The following SERPINB12 variants were observed in gnomAD, a reference collection of about 807,000 sequenced individuals.
SERPINB12 encodes the protein serpin family B member 12.
SERPINB12 carries 57 observed loss-of-function variants against 41.1 expected under a neutral mutation model. That is an observed-to-expected ratio of 1.39 (90% CI 1.12 to 1.73). The LOEUF (loss-of-function observed/expected upper bound fraction) is 1.73, where lower values mean the gene tolerates loss of function less well. Among genes scored for constraint, SERPINB12 ranks in the 40% most tolerant of loss-of-function variants. The probability of loss-of-function intolerance (pLI) is 0.00; values close to 1 mark genes in which losing one functional copy is unlikely to be tolerated. For synonymous variants in SERPINB12, 180 were observed against 181.3 expected, an observed-to-expected ratio of 0.99 and a Z score of 0.06; for missense variants, 536 against 501.9, an observed-to-expected ratio of 1.07 and a Z score of -0.65.
Position 63,565,517 on chromosome 18 carries a change from G to T in SERPINB12, c.778G>T (p.Ala260Ser), listed in dbSNP as rs944893687. The change falls in exon 7 of 8, where the codon GCA becomes TCA. Residue 260 changes from alanine (A) to serine (S), a missense_variant. Physicochemically the swap from Ala to Ser is moderately conservative, Grantham distance 99 (BLOSUM62 1). Transcript: ENST00000382768. ...AATTGGCTTCATAGAGGAGGTGAAG[G>T]CACAGATCCTGGAAATGAGGTACAC... ...YRIGFIEEVK[A>S]QILEMRYTKG... is the part of the protein sequence containing the mutation. 2 of 1,613,886 alleles carry T rather than the reference G, an allele frequency of 1.2e-6. No individual in the cohort carries two copies. Among genetic ancestry groups the T allele is most frequent in the South Asian group, 1.1e-5 (1 of 91,052 alleles).
the SERPINB12 span, among the ~76,000 whole-genome samples, chr18:63,532,762 A>G: frequency 0.011 from 1,683 of 152,210 alleles, 26 homozygotes; most frequent in African/African-American, 0.038. Context: ...GGTGGTACTA[A>G]TTCTGGCTTC....
rs1176816957 is a variant in SERPINB12 at position 63,567,716 on chromosome 18, G to T, written c.*705G>T. Among the ~76,000 whole-genome samples the T allele has an allele frequency of 6.6e-6, 1 of 152,194 alleles. No individual in the cohort carries two copies. Among genetic ancestry groups the T allele is most frequent in the Admixed American group, 6.5e-5 (1 of 15,276 alleles). On this transcript the variant is annotated 3_prime_UTR_variant, in exon 8 of 8. Transcript: ENST00000382768. ...AAAGTGGCTAGTGGATTTAGAGGAG[G>T]TTTATCTCAGTTTTCCTTATTGAGT... is the stretch of plus-strand genomic sequence containing the variant.
upstream of SERPINB12, among the ~76,000 whole-genome samples, chr18:63,540,222 A>T (rs1320184548): frequency 6.6e-6 from 1 of 152,184 alleles, no homozygotes; most frequent in Non-Finnish European, 1.5e-5. Context: ...TCTCCTGAAG[A>T]GAGTGGAGGT....
intron 1 of SERPINB12, among the ~76,000 whole-genome samples, chr18:63,551,288 C>CAA (rs750984928): frequency 6.6e-6 from 1 of 150,518 alleles, no homozygotes; most frequent in African/African-American, 2.4e-5. Flanking sequence ...AACAAAGAAA[C>CAA]AAAAAAAACA....
chr18:63,568,241 C>T lies in SERPINB12; in HGVS notation c.*1230C>T, dbSNP rs111997051. On this transcript the variant is annotated 3_prime_UTR_variant, in exon 8 of 8. Coordinates refer to ENST00000382768, the MANE Select transcript of SERPINB12 (RefSeq NM_001307928.2). ...ACAAAAAATACAGAAATTAGCCGGG[C>T]GTGGTGGTGTGCACCTATAGTCCCA... is the stretch of plus-strand genomic sequence containing the variant. 0.057 allele frequency among the ~76,000 whole-genome samples: 8,683 copies of T among 152,062 alleles called. 818 individuals carry two copies. The highest frequency in any genetic ancestry group is 0.2 in the African/African-American group (8,213 of 41,438).
rs987745143 is a variant in SERPINB12, at chr18:63,545,198, T to C, written c.-19+2706T>C. Among the ~76,000 whole-genome samples, 3 of 152,118 alleles carry C rather than the reference T, an allele frequency of 2.0e-5. No individual in the cohort carries two copies. The East Asian group carries it at 5.8e-4, about 29-fold the overall frequency. On this transcript the variant is annotated intron_variant, in intron 1 of 7. Transcript: ENST00000382768. ...TGAAGTAAACATTATTTTTACGGCC[T>C]GTTGACATAGAACTATTTTTTTTTT...
At chr18:63,559,003 C>CTTTCTTTCTCTCT (rs1491386715) in intron 3 of SERPINB12, among the ~76,000 whole-genome samples, 3 of 78,536 alleles carry the variant, frequency 3.8e-5, no homozygotes, top group African/African-American at 1.5e-4. Context: ...TCTTTCCTTC[C>CTTTCTTTCTCTCT]TTCTTTCTTT....
the SERPINB12 span, among the ~76,000 whole-genome samples, chr18:63,531,646 G>A: frequency 6.6e-6 from 1 of 152,092 alleles, no homozygotes; most frequent in Non-Finnish European, 1.5e-5. Flanking sequence ...TTAGTGCCTG[G>A]CAATAGTAAA....
the SERPINB12 span, among the ~76,000 whole-genome samples, chr18:63,527,660 AGT>A: frequency 2.0e-4 from 31 of 152,222 alleles, 1 homozygote; most frequent in South Asian, 6.4e-3. Context: ...CTTCCTCAAG[AGT>A]GTAGGCAAGT....
intron 2 of SERPINB12, 98 bp downstream of exon 2, chr18:63,556,425 C>A: frequency 8.9e-7 from 1 of 1,128,968 alleles, no homozygotes; most frequent in Non-Finnish European, 1.3e-6. Flanking sequence ...GGGCTTATTG[C>A]ACCCTGGGCT....
the SERPINB12 span, among the ~76,000 whole-genome samples, chr18:63,523,341 T>C: frequency 6.6e-6 from 1 of 152,176 alleles, no homozygotes; most frequent in African/African-American, 2.4e-5. Context: ...GAAGACAACA[T>C]GAAGCACAAG....
Position 63,550,776 on chromosome 18 carries a change from A to G in SERPINB12, c.-18-5366A>G, listed in dbSNP as rs79545541. ...GAAATTAACCTTAATGGGGGTATTT[A>G]CACCATAGAAATCAGCAAACATTGT... On this transcript the variant is annotated intron_variant, in intron 1 of 7. Coordinates refer to ENST00000382768, the MANE Select transcript of SERPINB12 (RefSeq NM_001307928.2). Among the ~76,000 whole-genome samples the G allele has an allele frequency of 3.1e-4, 47 of 152,270 alleles. No individual in the cohort carries two copies. The East Asian group carries it at 7.6e-3, about 24-fold the overall frequency.
Position 63,559,724 on chromosome 18 carries a change from T to A in SERPINB12, c.444+6T>A. Reference sequence around the variant, plus strand: ...AGGAATTCCCAATCTGTCAGGTGAGTTGCACACGAATGGTGACTAAAGCTA... The same window carrying A: ...AGGAATTCCCAATCTGTCAGGTGAGATGCACACGAATGGTGACTAAAGCTA... On this transcript the variant is annotated splice_donor_region_variant and intron_variant, in intron 4 of 7. Coordinates refer to ENST00000382768, the MANE Select transcript of SERPINB12 (RefSeq NM_001307928.2). 1 of 1,613,836 alleles carries A rather than the reference T, an allele frequency of 6.2e-7. No homozygotes were observed. The highest frequency in any genetic ancestry group is 8.5e-7 in the Non-Finnish European group (1 of 1,179,868).
chr18:63,536,378 AATT>A, the SERPINB12 span, among the ~76,000 whole-genome samples: 1 of 152,098 alleles, frequency 6.6e-6, no homozygotes, highest in Non-Finnish European at 1.5e-5. Flanking sequence ...CAATTTTAAA[AATT>A]ATTAATGGAT....
chr18:63,566,773 G>A lies in SERPINB12; in HGVS notation c.1040G>A (p.Arg347Lys). The A allele has an allele frequency of 6.2e-7, 1 of 1,614,090 alleles. No homozygotes were observed. The highest frequency in any genetic ancestry group is 1.1e-5 in the South Asian group (1 of 91,064). Reference protein sequence around the residue: ...MGITDIFDETRADLTGISPSP... With the variant: ...MGITDIFDETKADLTGISPSP... ...ATTACGGATATCTTTGATGAAACGA[G>A]GGCTGATCTTACTGGAATCTCTCCA... Residue 347 changes from arginine (R) to lysine (K), a missense_variant, in exon 8 of 8, where the codon AGG (arginine) becomes AAG (lysine). Transcript: ENST00000382768.
chr18:63,521,104 T>C, the SERPINB12 span, among the ~76,000 whole-genome samples: 85 of 149,122 alleles, frequency 5.7e-4, no homozygotes, highest in Non-Finnish European at 6.1e-5. Context: ...GTATAAGGAA[T>C]TTTTTTGTGT....
chr18:63,541,566 T>C (rs1910273393), upstream of SERPINB12, among the ~76,000 whole-genome samples: 1 of 152,142 alleles, frequency 6.6e-6, no homozygotes, highest in African/African-American at 2.4e-5. Flanking sequence ...CTTAACCAAA[T>C]ATGAACCACG....
intron 2 of SERPINB12, among the ~76,000 whole-genome samples, chr18:63,557,951 C>A (rs948225783): frequency 4.6e-5 from 7 of 152,200 alleles, no homozygotes; most frequent in African/African-American, 1.7e-4. Context: ...TGCAAAATAT[C>A]ATATCCACAT....
chr18:63,568,887 T>C lies in SERPINB12; in HGVS notation c.*1876T>C, dbSNP rs1911205084. 6.6e-6 allele frequency among the ~76,000 whole-genome samples: 1 copy of C among 152,200 alleles called. No homozygotes were observed. Among genetic ancestry groups the C allele is most frequent in the African/African-American group, 2.4e-5 (1 of 41,460 alleles). On this transcript the variant is annotated 3_prime_UTR_variant, in exon 8 of 8. Coordinates refer to ENST00000382768, the MANE Select transcript of SERPINB12 (RefSeq NM_001307928.2). ...GAAGCTCACTTACGACCTAAAACAA[T>C]TTGACGTTGGTAACGTGAGGCAGTT...
Sources: gnomAD v4.1 joint callset for allele counts (sites outside exome capture counted in the v4.1 genomes callset) on GRCh38, gnomAD v4.1.1 for gene constraint, MANE v1.5 for transcripts, NCBI Gene and HGNC (gene_info 2026-07-23, HGNC 2026-07-21) for gene names.